Variants in ADAM33 observed in about 807,000 individuals in gnomAD.
The protein encoded by ADAM33 is disintegrin and metalloproteinase domain-containing protein 33.
In ADAM33, 103 loss-of-function variants were observed where a neutral mutation model predicts 106.2. That is an observed-to-expected ratio of 0.97 (90% confidence interval 0.83 to 1.14). The LOEUF (loss-of-function observed/expected upper bound fraction) is 1.14. Among genes scored for constraint, ADAM33 ranks in the 50% most tolerant of loss-of-function variants. The probability of loss-of-function intolerance (pLI) is 0.00; values close to 1 mark genes in which losing one functional copy is unlikely to be tolerated. For missense variants in ADAM33, 1,120 were observed against 1,096.6 expected (o/e 1.02, Z -0.30); for synonymous variants, 483 against 453.0 (o/e 1.07, Z -0.84).
rs369291245 is a variant in ADAM33 at position 3,669,269 on chromosome 20, G to C, written c.2404+30C>G. 2.1e-5 allele frequency: 32 copies of C among 1,556,574 alleles called. No individual in the cohort carries two copies. The East Asian group carries it at 7.0e-4, about 34-fold the overall frequency. On this transcript the variant is annotated intron_variant, in intron 21 of 21. Coordinates refer to ENST00000356518, the MANE Select transcript of ADAM33 (RefSeq NM_025220.5). ...AGGTGGGAGGGTGGGCGATGAGAGG[G>C]GGAGGCTTTGAATCCAGGTCCCTGC... is the stretch of plus-strand genomic sequence containing the variant.
rs535889612 is a variant in ADAM33, at chr20:3,679,711, G to A, written c.98-140C>T. ...GGCAGACTTCACCTTCAACACGCGTGGGCTCAGCCTGGAGAAGGAGGGACG... is the reference window on the plus strand; with the variant it reads ...GGCAGACTTCACCTTCAACACGCGTAGGCTCAGCCTGGAGAAGGAGGGACG... On this transcript the variant is annotated intron_variant, in intron 1 of 21. Transcript: ENST00000356518. The A allele has an allele frequency of 2.6e-4, 178 of 673,100 alleles. 1 individual carries two copies. In the African/African-American group the frequency reaches 3.0e-3, roughly 11 times the overall value. The allele number at this position is 673,100 out of a possible 1,614,324, so 41.7% of individuals were successfully genotyped here.
intron 19 of ADAM33, chr20:3,670,446 C>T (rs942148146): frequency 1.2e-5 from 2 of 160,786 alleles, no homozygotes; most frequent in Admixed American, 5.8e-5. Context: ...TATGTGACTC[C>T]CCACTCCGCC....
chr20:3,669,958 C>A, intron 19 of ADAM33: 1 of 504,656 alleles, frequency 2.0e-6, no homozygotes, highest in Admixed American at 3.2e-5. Context: ...GATGTCCGCC[C>A]CTTCGGCAGC....
chr20:3,673,928 G>A lies in ADAM33; in HGVS notation c.739-17C>T. The A allele has an allele frequency of 6.4e-7, 1 of 1,569,506 alleles. No homozygotes were observed. On this transcript the variant is annotated splice_polypyrimidine_tract_variant and intron_variant, in intron 8 of 21. Coordinates refer to ENST00000356518, the MANE Select transcript of ADAM33 (RefSeq NM_025220.5). ...CCTGAGAAGCTGAGGGCGAGGCGGG[G>A]CTGAAGCCGGGACAGGGCGCCCCAT...
In ADAM33 at chr20:3,674,289, G is replaced by C; in HGVS notation, c.601-5C>G. On this transcript the variant is annotated splice_polypyrimidine_tract_variant and splice_region_variant and intron_variant, in intron 6 of 21. Transcript: ENST00000356518. ...CCTGCGCGCTTCTCGCCTGCCCTGC[G>C]GAGGTGCAAATGGGGACCCTGAGTG... The C allele has an allele frequency of 6.2e-7, 1 of 1,613,792 alleles. No homozygotes were observed. The highest frequency in any genetic ancestry group is 1.7e-4 in the Middle Eastern group (1 of 6,040).
rs759846799 is a variant in ADAM33, at chr20:3,673,501, G to C, written c.991-5C>G. 5 of 1,488,178 alleles carry C rather than the reference G, an allele frequency of 3.4e-6. No individual in the cohort carries two copies. In the South Asian group the frequency reaches 6.9e-5, roughly 21 times the overall value. The allele number at this position is 1,488,178 out of a possible 1,614,324, so 92.2% of individuals were successfully genotyped here. ...GATGGGGAGCTCCGAGTGGTCCTGG[G>C]GGGCCGTGGGAGGGCGGTCACTGCG... On this transcript the variant is annotated splice_region_variant and splice_polypyrimidine_tract_variant and intron_variant, in intron 10 of 21. Coordinates refer to ENST00000356518, the MANE Select transcript of ADAM33 (RefSeq NM_025220.5).
intron 19 of ADAM33, chr20:3,669,959 C>G: frequency 2.0e-6 from 1 of 503,614 alleles, no homozygotes; most frequent in Non-Finnish European, 3.6e-6. Flanking sequence ...ATGTCCGCCC[C>G]TTCGGCAGCT....
intron 4 of ADAM33, 33 bp downstream of exon 4, chr20:3,674,994 C>G: frequency 6.2e-7 from 1 of 1,612,948 alleles, no homozygotes; most frequent in East Asian, 2.2e-5. Context: ...GTACCTCTGG[C>G]GGTGCATCCC....
chr20:3,672,236 C>T lies in ADAM33; in HGVS notation c.1495G>A (p.Val499Ile). The change falls in exon 14 of 22, where the codon GTT becomes ATT. Residue 499 changes from valine to isoleucine, a missense_variant. Physicochemically the swap from Val to Ile is conservative, Grantham distance 29. Transcript: ENST00000356518. ...CAGGGTGAGCCGTCCAGTAGGTAAA[C>T]GTCTGGGGGACAGTGGGAGGAGGTG... is the stretch of plus-strand genomic sequence containing the variant. ...TGTSSHCPPD[V>I]YLLDGSPCAR... is the part of the protein sequence containing the mutation. The T allele has an allele frequency of 6.2e-7, 1 of 1,613,454 alleles. No individual in the cohort carries two copies. The highest frequency in any genetic ancestry group is 1.1e-5 in the South Asian group (1 of 91,090).
chr20:3,671,100 G>A lies in ADAM33; in HGVS notation c.2146C>T (p.Pro716Ser). 3 of 1,599,318 alleles carry A rather than the reference G, an allele frequency of 1.9e-6. No individual in the cohort carries two copies. The highest frequency in any genetic ancestry group is 1.7e-5 in the Admixed American group (1 of 57,430). Reference sequence around the variant, plus strand: ...CAACACCAGGCCAGGCCGGCCCCTGGGAGCAGAGGCAGCAGGACGCTGAGG... The same window carrying A: ...CAACACCAGGCCAGGCCGGCCCCTGAGAGCAGAGGCAGCAGGACGCTGAGG... ...MLLSVLLPLL[P>S]GAGLAWCCYR... Residue 716 changes from proline to serine, a missense_variant, in exon 19 of 22, where the codon CCA becomes TCA. Pro to Ser is a moderately conservative substitution (Grantham distance 74, BLOSUM62 -1). Coordinates refer to ENST00000356518, the MANE Select transcript of ADAM33 (RefSeq NM_025220.5).
intron 19 of ADAM33, 83 bp from the exon 20 acceptor site, chr20:3,669,720 C>T (rs1291221001): frequency 3.1e-6 from 4 of 1,284,520 alleles, no homozygotes; most frequent in Non-Finnish European, 3.3e-6. Context: ...GTGTCCAGCC[C>T]AGGGAGTTCT....
chr20:3,668,924 C>T lies in ADAM33; in HGVS notation c.*39G>A. The T allele has an allele frequency of 6.2e-7, 1 of 1,611,824 alleles. No individual in the cohort carries two copies. The highest frequency in any genetic ancestry group is 8.5e-7 in the Non-Finnish European group (1 of 1,178,130). ...AAGTTCCTGGAGTGGCTGTCAGTGG[C>T]CACCTGTCTTTAAATCTGTTCATTT... is the stretch of plus-strand genomic sequence containing the variant. On this transcript the variant is annotated 3_prime_UTR_variant, in exon 22 of 22. Coordinates refer to ENST00000356518, the MANE Select transcript of ADAM33 (RefSeq NM_025220.5).
At position 3,672,117 on chromosome 20, in the gene ADAM33, T is replaced by C; in HGVS notation, c.1597+17A>G. The C allele has an allele frequency of 6.2e-7, 1 of 1,604,968 alleles. No individual in the cohort carries two copies. Among genetic ancestry groups the C allele is most frequent in the Non-Finnish European group, 8.5e-7 (1 of 1,175,078 alleles). On this transcript the variant is annotated intron_variant, in intron 14 of 21. Coordinates refer to ENST00000356518, the MANE Select transcript of ADAM33 (RefSeq NM_025220.5). Reference sequence around the variant, plus strand: ...GAGGATGGGGGGCAGGGTGCAAGGGTGCTCGTGTCCTCTCACCAGGCCCCC... The same window carrying C: ...GAGGATGGGGGGCAGGGTGCAAGGGCGCTCGTGTCCTCTCACCAGGCCCCC...
At chr20:3,676,956 G>T in intron 3 of ADAM33, 111 bp downstream of exon 3, 1 of 1,158,706 alleles carries the variant, frequency 8.6e-7, no homozygotes, top group Non-Finnish European at 1.2e-6. Context: ...CCTGTCATCT[G>T]CACCCTCTCT....
intron 12 of ADAM33, 42 bp downstream of exon 12, chr20:3,672,679 T>G: frequency 1.1e-5 from 18 of 1,605,182 alleles, no homozygotes; most frequent in Non-Finnish European, 1.5e-5. Flanking sequence ...GCCCCAGACC[T>G]GAGCGGAGAG....
chr20:3,673,605 C>G lies in ADAM33; in HGVS notation c.959G>C (p.Cys320Ser). 7.3e-7 allele frequency: 1 copy of G among 1,366,390 alleles called. No individual in the cohort carries two copies. The highest frequency in any genetic ancestry group is 9.4e-7 in the Non-Finnish European group (1 of 1,067,424). The allele number at this position is 1,366,390 out of a possible 1,614,324, so 84.6% of individuals were successfully genotyped here. A position where few individuals can be genotyped will look rare whatever the true frequency, so the allele number is the denominator to read the frequency against. Residue 320 changes from cysteine to serine, a missense_variant, in exon 10 of 22, where the codon TGC becomes TCC. By Grantham distance (112) the Cys-to-Ser change is moderately radical (BLOSUM62 -1). Coordinates refer to ENST00000356518, the MANE Select transcript of ADAM33 (RefSeq NM_025220.5). Reference sequence around the variant, plus strand: ...CACGCCTCCCGAGCTCTCGGCGCGGCACATGCCCTCGACGGGCGCCAGGCC... The same window carrying G: ...CACGCCTCCCGAGCTCTCGGCGCGGGACATGCCCTCGACGGGCGCCAGGCC... The part of the protein sequence containing the change: ...TVGLAPVEGM[C>S]RAESSGGVST...
At chr20:3,679,401 C>A in intron 2 of ADAM33, 91 bp downstream of exon 2, 1 of 1,389,330 alleles carries the variant, frequency 7.2e-7, no homozygotes, top group East Asian at 2.5e-5. Flanking sequence ...TTCTGGGGAC[C>A]CCAGCAAAAC....
rs1332480944 is a variant in ADAM33, at chr20:3,674,302, G to A, written c.601-18C>T. The A allele has an allele frequency of 6.2e-7, 1 of 1,613,566 alleles. No homozygotes were observed. On this transcript the variant is annotated intron_variant, in intron 6 of 21. Transcript: ENST00000356518. ...CGCCTGCCCTGCGGAGGTGCAAATG[G>A]GGACCCTGAGTGGAAGCTGCTGGGC...
chr20:3,671,949 A>G lies in ADAM33; in HGVS notation c.1634T>C (p.Val545Ala). ...HPAPEACFQV[V>A]NSAGDAHGNC... ...TCCATGAGCATCTCCCGCAGAGTTCACCACCTGGAAACAGGCCTCGGGAGC... is the reference window on the plus strand; with the variant it reads ...TCCATGAGCATCTCCCGCAGAGTTCGCCACCTGGAAACAGGCCTCGGGAGC... The change falls in exon 15 of 22, where the codon GTG (valine) becomes GCG (alanine). Residue 545 changes from valine to alanine, a missense_variant. Coordinates refer to ENST00000356518, the MANE Select transcript of ADAM33 (RefSeq NM_025220.5). 6.4e-7 allele frequency: 1 copy of G among 1,556,328 alleles called. No individual in the cohort carries two copies. The highest frequency in any genetic ancestry group is 8.7e-7 in the Non-Finnish European group (1 of 1,149,542).
Sources: allele counts gnomAD v4.1 joint callset, GRCh38; gene constraint gnomAD v4.1.1; transcripts MANE v1.5; gene names NCBI Gene and HGNC (gene_info 2026-07-23, HGNC 2026-07-21).